The following STK10 variants were observed in gnomAD, a reference collection of about 807,000 sequenced individuals.
STK10 encodes serine/threonine-protein kinase 10.
In STK10, 78 loss-of-function variants were observed where a neutral mutation model predicts 113.8. The ratio of observed to expected loss-of-function variants is 0.69; its 90% CI spans 0.57 to 0.83. The LOEUF is 0.83. Among genes scored for constraint, STK10 ranks in the 40% least tolerant of loss-of-function variants. STK10 has a pLI of 0.00. For synonymous variants in STK10, 465 were observed against 494.7 expected (o/e 0.94, Z 0.80); for missense variants, 1,109 against 1,280.1 (o/e 0.87, Z 2.04).
intron 2 of STK10, among the ~76,000 whole-genome samples, chr5:172,138,274 A>T (rs1769908126): frequency 6.6e-6 from 1 of 152,118 alleles, no homozygotes; most frequent in African/African-American, 2.4e-5. Context: ...GGCATGTGCC[A>T]CCACGCCTGG....
chr5:172,146,815 A>C (rs1770096714), intron 2 of STK10, among the ~76,000 whole-genome samples: 1 of 152,228 alleles, frequency 6.6e-6, no homozygotes, highest in Admixed American at 6.5e-5. Context: ...AATCATCAAC[A>C]CAGAAGACAT....
intron 3 of STK10, among the ~76,000 whole-genome samples, chr5:172,123,952 G>T (rs1769568071): frequency 6.6e-6 from 1 of 152,076 alleles, no homozygotes; most frequent in Admixed American, 6.6e-5. Context: ...TTTTGAGACA[G>T]GGTCTCACTC....
Position 172,096,440 on chromosome 5 carries a change from C to T in STK10, c.991G>A (p.Val331Met), listed in dbSNP as rs751783821. Residue 331 changes from valine to methionine, a missense_variant, in exon 8 of 19, where the codon GTG becomes ATG. Coordinates refer to ENST00000176763, the MANE Select transcript of STK10 (RefSeq NM_005990.4). ...CCTGGCCTTACGGAGGCGGCATCCA[C>T]GGCGTCCTCCTCTTCCCCCTCATCC... ...GRDEGEEEDA[V>M]DAASTLENHT... 53 of 1,612,610 alleles carry T rather than the reference C, an allele frequency of 3.3e-5. No homozygotes were observed. Among genetic ancestry groups the T allele is most frequent in the Middle Eastern group, 1.6e-4 (1 of 6,080 alleles).
chr5:172,110,847 G>C (rs1413173088), intron 4 of STK10, among the ~76,000 whole-genome samples: 1 of 152,184 alleles, frequency 6.6e-6, no homozygotes, highest in African/African-American at 2.4e-5. Flanking sequence ...GCGAGAAGAT[G>C]GTGATTCTTT....
chr5:172,076,954 C>T (rs1178216250), intron 12 of STK10, among the ~76,000 whole-genome samples: 1 of 108,318 alleles, frequency 9.2e-6, no homozygotes, highest in Non-Finnish European at 1.9e-5. Context: ...CACGAAGAAA[C>T]GTCACACCAC....
chr5:172,068,054 A>G (rs904547655), intron 12 of STK10, among the ~76,000 whole-genome samples: 10 of 152,328 alleles, frequency 6.6e-5, no homozygotes, highest in South Asian at 2.1e-4. Flanking sequence ...AAGTGCTGAA[A>G]GAAGGGCCGG....
At chr5:172,094,051 C>G in intron 8 of STK10, 91 bp from the exon 9 acceptor site, 28 of 1,071,704 alleles carry the variant, frequency 2.6e-5, no homozygotes, top group Non-Finnish European at 3.3e-5. Flanking sequence ...CAGACACCCT[C>G]AAGATGAAGT....
chr5:172,049,018 G>C (rs1417204585), intron 18 of STK10, among the ~76,000 whole-genome samples: 5 of 152,032 alleles, frequency 3.3e-5, no homozygotes, highest in Non-Finnish European at 5.9e-5. Flanking sequence ...TTCAGATCTT[G>C]GCTCAGATGT....
At chr5:172,132,900 C>T (rs780386650) in intron 2 of STK10, among the ~76,000 whole-genome samples, 6 of 152,172 alleles carry the variant, frequency 3.9e-5, no homozygotes, top group South Asian at 2.1e-4. Context: ...TGCAGGCACA[C>T]GGTGACTATG....
chr5:172,084,386 G>A (rs1163927430), intron 10 of STK10, among the ~76,000 whole-genome samples: 2 of 149,170 alleles, frequency 1.3e-5, no homozygotes, highest in Non-Finnish European at 3.0e-5. Context: ...GGCAACAAGG[G>A]CAAAATTCTG....
rs748745741 is a variant in STK10, at chr5:172,106,594, C to T, written c.788+26G>A. Reference sequence around the variant, plus strand: ...CCTAATCCCGGCGCAGGCACCCCGGCAGGTGGCCCTGCCCCTGCCCCTCAC... The same window carrying T: ...CCTAATCCCGGCGCAGGCACCCCGGTAGGTGGCCCTGCCCCTGCCCCTCAC... On this transcript the variant is annotated intron_variant, in intron 6 of 18. Transcript: ENST00000176763. The T allele has an allele frequency of 3.7e-6, 6 of 1,603,012 alleles. No homozygotes were observed. The South Asian group carries it at 6.6e-5, about 18-fold the overall frequency.
At chr5:172,069,997 C>T (rs763916986) in intron 12 of STK10, among the ~76,000 whole-genome samples, 4 of 152,168 alleles carry the variant, frequency 2.6e-5, no homozygotes, top group Non-Finnish European at 4.4e-5. Flanking sequence ...CCTGTAATCC[C>T]AGCACTTTGG....
In STK10 at chr5:172,082,614, G is replaced by T. The variant is rs73321816; in HGVS notation, c.1810-109C>A. 3,706 of 1,360,040 alleles carry T rather than the reference G, an allele frequency of 2.7e-3. 79 individuals are homozygous for T. In the African/African-American group the frequency reaches 0.048, roughly 18 times the overall value. The allele number at this position is 1,360,040 out of a possible 1,614,324, so 84.2% of individuals were successfully genotyped here. On this transcript the variant is annotated intron_variant, in intron 11 of 18. Coordinates refer to ENST00000176763, the MANE Select transcript of STK10 (RefSeq NM_005990.4). The surrounding 1 kb of genome is among the most constrained non-coding windows in gnomAD (Gnocchi z 4.3). Reference sequence around the variant, plus strand: ...AGAGCTTGTGATCAGACCTAAGCTTGAATCCCAGCTCTACTACCCCGTTGC... The same window carrying T: ...AGAGCTTGTGATCAGACCTAAGCTTTAATCCCAGCTCTACTACCCCGTTGC...
chr5:172,090,634 T>G (rs1033332011), intron 9 of STK10, among the ~76,000 whole-genome samples: 1 of 152,020 alleles, frequency 6.6e-6, no homozygotes, highest in African/African-American at 2.4e-5. Context: ...CAGGACATGG[T>G]GTCAGAAAGA....
intron 12 of STK10, among the ~76,000 whole-genome samples, chr5:172,080,172 G>A (rs1434927249): frequency 6.6e-6 from 1 of 152,134 alleles, no homozygotes; most frequent in African/African-American, 2.4e-5. Flanking sequence ...GTTATAGGGT[G>A]CCACGAGCCC....
intron 2 of STK10, among the ~76,000 whole-genome samples, chr5:172,127,843 C>A (rs1769657672): frequency 6.6e-6 from 1 of 152,222 alleles, no homozygotes; most frequent in Admixed American, 6.5e-5. Context: ...CTCTCAGAAT[C>A]CCAGCACCTG....
At chr5:172,088,098 T>C (rs1416164069) in intron 10 of STK10, among the ~76,000 whole-genome samples, 1 of 151,890 alleles carries the variant, frequency 6.6e-6, no homozygotes, top group East Asian at 1.9e-4. Flanking sequence ...TAAAATTTTT[T>C]TGTAGAGACA....
rs530185866 is a variant in STK10 at position 172,088,247 on chromosome 5, C to T, written c.1685+1985G>A. On this transcript the variant is annotated intron_variant, in intron 10 of 18. Transcript: ENST00000176763. ...GTTTAAAAAAATATGAGTATTAGGC[C>T]GGGCGCGGTGGCTCACATCTGTAAT... Among the ~76,000 whole-genome samples, 24 of 151,824 alleles carry T rather than the reference C, an allele frequency of 1.6e-4. No individual in the cohort carries two copies. In the East Asian group the frequency reaches 3.7e-3, roughly 24 times the overall value.
At chr5:172,161,330 G>A (rs1332996381) in intron 1 of STK10, among the ~76,000 whole-genome samples, 1 of 152,096 alleles carries the variant, frequency 6.6e-6, no homozygotes, top group African/African-American at 2.4e-5. Context: ...GTGACCGCCT[G>A]TAGTCCCAAC....
Sources: gnomAD v4.1 joint callset for allele counts (sites outside exome capture counted in the v4.1 genomes callset) on GRCh38, gnomAD v4.1.1 for gene constraint, Gnocchi (gnomAD v3.1) non-coding constraint, MANE v1.5 for transcripts, NCBI Gene and HGNC (gene_info 2026-07-23, HGNC 2026-07-21) for gene names.